The following PCED1B variants were observed in gnomAD, a reference collection of about 807,000 sequenced individuals.
The protein encoded by PCED1B is PC-esterase domain containing 1B, also known as PC-esterase domain-containing protein 1B.
For missense variants in PCED1B, 573 were observed against 573.9 expected (o/e 1.00, Z 0.02); for synonymous variants, 251 against 246.1 (o/e 1.02, Z -0.19).
rs148401674 is a variant in PCED1B, at chr12:47,235,099, G to C, written c.36G>C (p.Leu12=). The change falls in exon 4 of 4, where the codon CTG becomes CTC. Residue 12 remains leucine (L), a synonymous_variant. Transcript: ENST00000546455. ...TGCGGGCCTCCGAAGTGCGGCAGCT[G>C]CTTCACAATAAGTTCGTGGTCATCC... ...ILLRASEVRQ[L]LHNKFVVILG... is the part of the protein sequence containing the mutation. 5.2e-4 allele frequency: 788 copies of C among 1,529,862 alleles called. 1 individual carries two copies. In the African/African-American group the frequency reaches 7.6e-3, roughly 15 times the overall value. The allele number at this position is 1,529,862 out of a possible 1,614,324, so 94.8% of individuals were successfully genotyped here.
chr12:47,098,282 G>A (rs772169450), intron 1 of PCED1B, among the ~76,000 whole-genome samples: 1 of 152,146 alleles, frequency 6.6e-6, no homozygotes, highest in Non-Finnish European at 1.5e-5. Context: ...CAGTGACTAT[G>A]GACTGCAGCT....
chr12:47,090,267 C>T (rs542085573), intron 1 of PCED1B, among the ~76,000 whole-genome samples: 9 of 152,172 alleles, frequency 5.9e-5, no homozygotes, highest in Admixed American at 3.3e-4. Flanking sequence ...ACAGAGAACT[C>T]ATATCAGAAA....
chr12:47,170,259 A>G (rs1489025351), intron 2 of PCED1B, among the ~76,000 whole-genome samples: 1 of 152,190 alleles, frequency 6.6e-6, no homozygotes, highest in Non-Finnish European at 1.5e-5. Context: ...AATTTTTCTT[A>G]GTACAGAACA....
chr12:47,134,130 C>A (rs796280818), intron 2 of PCED1B, among the ~76,000 whole-genome samples: 2 of 152,176 alleles, frequency 1.3e-5, no homozygotes, highest in African/African-American at 4.8e-5. Flanking sequence ...TGTGAATAAT[C>A]AATCCAGATG....
At chr12:47,111,051 T>A (rs1030386427) in intron 2 of PCED1B, among the ~76,000 whole-genome samples, 4 of 152,168 alleles carry the variant, frequency 2.6e-5, no homozygotes, top group African/African-American at 9.7e-5. Flanking sequence ...TTGTAAGTGG[T>A]CTGATTTCTG....
At chr12:47,164,421 A>G (rs1941480631) in intron 2 of PCED1B, among the ~76,000 whole-genome samples, 1 of 152,220 alleles carries the variant, frequency 6.6e-6, no homozygotes, top group Non-Finnish European at 1.5e-5. Flanking sequence ...AGACAATTAA[A>G]TCTTAGTGCT....
chr12:47,152,993 A>G (rs1422449296), intron 2 of PCED1B, among the ~76,000 whole-genome samples: 1 of 152,114 alleles, frequency 6.6e-6, no homozygotes, highest in African/African-American at 2.4e-5. Flanking sequence ...TTAGAAAACG[A>G]TTATTACATA....
At chr12:47,141,762 C>T (rs1465519981) in intron 2 of PCED1B, among the ~76,000 whole-genome samples, 2 of 152,152 alleles carry the variant, frequency 1.3e-5, no homozygotes, top group Non-Finnish European at 2.9e-5. Context: ...CAGGGATGTA[C>T]CAGAAGACAT....
intron 2 of PCED1B, among the ~76,000 whole-genome samples, chr12:47,128,279 T>C (rs1396461496): frequency 6.6e-6 from 1 of 152,192 alleles, no homozygotes; most frequent in Non-Finnish European, 1.5e-5. Flanking sequence ...AATAAAATTT[T>C]ACTAGGAACT....
At chr12:47,117,700 T>G (rs1939488065) in intron 2 of PCED1B, among the ~76,000 whole-genome samples, 1 of 152,210 alleles carries the variant, frequency 6.6e-6, no homozygotes, top group South Asian at 2.1e-4. Flanking sequence ...TATAATCCTT[T>G]GGGTATATAC....
chr12:47,097,088 A>G (rs1358076004), intron 1 of PCED1B, among the ~76,000 whole-genome samples: 1 of 152,236 alleles, frequency 6.6e-6, no homozygotes, highest in Non-Finnish European at 1.5e-5. Context: ...TAGGCAAAAA[A>G]GCAAAGAAGA....
Position 47,235,969 on chromosome 12 carries a change from G to A in PCED1B, c.906G>A (p.Leu302=), listed in dbSNP as rs768722355. The A allele has an allele frequency of 1.9e-6, 3 of 1,605,904 alleles. No individual in the cohort carries two copies. In the African/African-American group the frequency reaches 4.1e-5, roughly 22 times the overall value. ...TACCTTCCCCCACATACCGCCCCCT[G>A]CTTGGGTTCCCACCCCAGCGCTTGC... The part of the protein sequence containing the change: ...PPLPSPTYRP[L]LGFPPQRLPL... Residue 302 remains leucine (L), a synonymous_variant, in exon 4 of 4, where the codon CTG becomes CTA. Transcript: ENST00000546455.
chr12:47,151,950 A>G (rs1941008689), intron 2 of PCED1B, among the ~76,000 whole-genome samples: 1 of 152,232 alleles, frequency 6.6e-6, no homozygotes, highest in Non-Finnish European at 1.5e-5. Context: ...TCAAGTTGAC[A>G]CATAAAATCA....
chr12:47,087,019 A>C (rs1158022307), intron 1 of PCED1B, among the ~76,000 whole-genome samples: 1 of 152,252 alleles, frequency 6.6e-6, no homozygotes, highest in Non-Finnish European at 1.5e-5. Context: ...GAAAAGAATC[A>C]GCTCTCTCCA....
chr12:47,110,869 C>A (rs1939163635), intron 2 of PCED1B, among the ~76,000 whole-genome samples: 1 of 152,134 alleles, frequency 6.6e-6, no homozygotes, highest in Non-Finnish European at 1.5e-5. Flanking sequence ...AGTTTGATGT[C>A]CCGCATCACA....
chr12:47,157,752 T>C (rs1335025803), intron 2 of PCED1B, among the ~76,000 whole-genome samples: 1 of 152,182 alleles, frequency 6.6e-6, no homozygotes, highest in African/African-American at 2.4e-5. Flanking sequence ...TCTGTAACTA[T>C]TTTAATCTTG....
At chr12:47,222,293 G>A (rs971232699) in intron 3 of PCED1B, among the ~76,000 whole-genome samples, 2 of 151,330 alleles carry the variant, frequency 1.3e-5, no homozygotes, top group Admixed American at 6.6e-5. Context: ...GTGGTAGCAC[G>A]TGCCTGTAAT....
chr12:47,202,436 G>C lies in PCED1B; in HGVS notation c.-525-13786G>C, dbSNP rs190012972. ...AGAGAAAGTCTGTTCCTAAGGCGAA[G>C]ATAGTTTCAGAACTTTGTATCTCTA... On this transcript the variant is annotated intron_variant, in intron 2 of 3. Transcript: ENST00000546455. Among the ~76,000 whole-genome samples, 324 of 152,138 alleles carry C rather than the reference G, an allele frequency of 2.1e-3. 1 individual carries two copies. The highest frequency in any genetic ancestry group is 4.0e-3 in the Non-Finnish European group (271 of 67,978).
chr12:47,235,073 C>A lies in PCED1B; in HGVS notation c.10C>A (p.Leu4Met), dbSNP rs775305656. Reference sequence around the variant, plus strand: ...GTGCGCCCTGGGCGTCATGATCCTTCTGCGGGCCTCCGAAGTGCGGCAGCT... The same window carrying A: ...GTGCGCCCTGGGCGTCATGATCCTTATGCGGGCCTCCGAAGTGCGGCAGCT... MIL[L>M]RASEVRQLLH... Residue 4 changes from leucine (L) to methionine (M), a missense_variant, in exon 4 of 4, where the codon CTG becomes ATG. Physicochemically the swap from Leu to Met is conservative, Grantham distance 15. Coordinates refer to ENST00000546455, the MANE Select transcript of PCED1B (RefSeq NM_138371.3). 7 of 1,527,048 alleles carry A rather than the reference C, an allele frequency of 4.6e-6. No individual in the cohort carries two copies. The highest frequency in any genetic ancestry group is 6.1e-6 in the Non-Finnish European group (7 of 1,139,262). The allele number at this position is 1,527,048 out of a possible 1,614,324, so 94.6% of individuals were successfully genotyped here.
Sources: allele counts gnomAD v4.1 joint callset (sites outside exome capture counted in the v4.1 genomes callset), GRCh38; gene constraint gnomAD v4.1.1; transcripts MANE v1.5; gene names NCBI Gene and HGNC (gene_info 2026-07-23, HGNC 2026-07-21).